Variants in KCNJ5 observed in about 807,000 individuals in gnomAD.
KCNJ5 encodes the protein G protein-activated inward rectifier potassium channel 4.
Under a neutral mutation model 20.2 loss-of-function variants are expected in KCNJ5, and 12 were observed. The observed-to-expected ratio is 0.59, with a 90% CI of 0.38 to 0.96. The LOEUF is 0.96. Among genes scored for constraint, KCNJ5 ranks in the 40% least tolerant of loss-of-function variants. The pLI, the probability that KCNJ5 is intolerant of heterozygous loss-of-function variation, is 0.00. For synonymous variants in KCNJ5, 210 were observed against 213.9 expected, an observed-to-expected ratio of 0.98 and a Z score of 0.16; for missense variants, 449 against 557.6, an observed-to-expected ratio of 0.81 and a Z score of 1.96.
rs1565555469 is a variant in KCNJ5, at chr11:128,917,627, GTTTT to G, written c.*897_*900del. 2.4e-5 allele frequency: 2 copies of G among 83,608 alleles called. No homozygotes were observed. The highest frequency in any genetic ancestry group is 2.3e-4 in the Admixed American group (2 of 8,618). 5.2% of individuals were successfully genotyped at this position (83,608 alleles called of 1,614,324 possible). A position where few individuals can be genotyped will look rare whatever the true frequency, so the allele number is the denominator to read the frequency against. On this transcript the variant is annotated 3_prime_UTR_variant, in exon 3 of 3. Coordinates refer to ENST00000529694, the MANE Select transcript of KCNJ5 (RefSeq NM_000890.5). ...GTTTTGTTTTGTTTTGTTTTGTTTT[GTTTT>G]GTTTTTTTCACAATCTCAGCCAGCC...
intron 2 of KCNJ5, among the ~76,000 whole-genome samples, chr11:128,916,111 T>C (rs1944576124): frequency 1.3e-5 from 1 of 75,592 alleles, no homozygotes; most frequent in Non-Finnish European, 2.7e-5. Context: ...ATTGGATGGA[T>C]GGATGGATGG....
rs1160699929 is a variant in KCNJ5 at position 128,891,441 on chromosome 11, C to CACACAGAGAGAGAGAGAGAGAG, written c.-290_-289insCACAGAGAGAGAGAGAGAGAGA. 1 of 54,922 alleles carries CACACAGAGAGAGAGAGAGAGAG rather than the reference C, an allele frequency of 1.8e-5. No homozygotes were observed. Among genetic ancestry groups the CACACAGAGAGAGAGAGAGAGAG allele is most frequent in the African/African-American group, 8.0e-5 (1 of 12,442 alleles). The allele number at this position is 54,922 out of a possible 1,614,324, so 3.4% of individuals were successfully genotyped here. On this transcript the variant is annotated 5_prime_UTR_variant, in exon 1 of 3. Coordinates refer to ENST00000529694, the MANE Select transcript of KCNJ5 (RefSeq NM_000890.5). ...ACACACACACACACACACACACACA[C>CACACAGAGAGAGAGAGAGAGAG]AGAGAGAGAGAGAGAGAGAGAGAGA... is the stretch of plus-strand genomic sequence containing the variant.
intron 1 of KCNJ5, chr11:128,904,299 G>A: frequency 7.3e-7 from 1 of 1,370,400 alleles, no homozygotes; most frequent in Middle Eastern, 1.9e-4. Context: ...CCCCAGACAA[G>A]CCAAATTCAG....
rs773791529 is a variant in KCNJ5 at position 128,916,584 on chromosome 11, G to T, written c.1113G>T (p.Lys371Asn). 2 of 1,614,098 alleles carry T rather than the reference G, an allele frequency of 1.2e-6. No homozygotes were observed. Among genetic ancestry groups the T allele is most frequent in the Non-Finnish European group, 1.7e-6 (2 of 1,179,998 alleles). Residue 371 changes from lysine (K) to asparagine (N), a missense_variant, in exon 3 of 3, where the codon AAG becomes AAT. Transcript: ENST00000529694. ...GTGCCAAGGAGCTGGCAGAAATGAA[G>T]AGGGAAGGCCGGCTCCTCCAGTACC... ...SCCAKELAEM[K>N]REGRLLQYLP...
chr11:128,917,027 T>G lies in KCNJ5; in HGVS notation c.*296T>G. On this transcript the variant is annotated 3_prime_UTR_variant, in exon 3 of 3. Transcript: ENST00000529694. ...ATGTTACCGGATGGCATCTGTTCTC[T>G]CCATGCCCTGGGTCACTTCCTTTTT... 1 of 325,916 alleles carries G rather than the reference T, an allele frequency of 3.1e-6. No individual in the cohort carries two copies. Among genetic ancestry groups the G allele is most frequent in the Non-Finnish European group, 5.6e-6 (1 of 177,150 alleles). The allele number at this position is 325,916 out of a possible 1,614,324, so 20.2% of individuals were successfully genotyped here.
At chr11:128,895,824 A>T (rs1783340931) in intron 1 of KCNJ5, among the ~76,000 whole-genome samples, 1 of 152,208 alleles carries the variant, frequency 6.6e-6, no homozygotes, top group Non-Finnish European at 1.5e-5. Flanking sequence ...GCTCTTATGG[A>T]GCAGGGAAGG....
chr11:128,897,093 CTTTT>C (rs35966521), intron 1 of KCNJ5, among the ~76,000 whole-genome samples: 73 of 100,078 alleles, frequency 7.3e-4, no homozygotes, highest in Middle Eastern at 6.7e-3. Flanking sequence ...CCGTTTACCA[CTTTT>C]TTTTTTTTTT....
chr11:128,914,322 C>G (rs1271271000), intron 2 of KCNJ5, among the ~76,000 whole-genome samples: 1 of 152,212 alleles, frequency 6.6e-6, no homozygotes, highest in Non-Finnish European at 1.5e-5. Flanking sequence ...TGGAGGGAGC[C>G]AGTGCTATCT....
Position 128,913,582 on chromosome 11 carries a change from C to CTTT in KCNJ5, c.937+1380_937+1382dup, listed in dbSNP as rs34638286. ...CGTGCCTTCCTTTCTCTCTCTCTCT[C>CTTT]TTTTTTTTTTCAACCAGGTACAATG... is the stretch of plus-strand genomic sequence containing the variant. On this transcript the variant is annotated intron_variant, in intron 2 of 2. Coordinates refer to ENST00000529694, the MANE Select transcript of KCNJ5 (RefSeq NM_000890.5). Among the ~76,000 whole-genome samples the CTTT allele has an allele frequency of 8.1e-3, 1,190 of 147,246 alleles. 10 individuals carry two copies. The highest frequency in any genetic ancestry group is 0.011 in the Non-Finnish European group (764 of 67,020).
Position 128,912,267 on chromosome 11 carries a change from G to T in KCNJ5, c.937+57G>T. On this transcript the variant is annotated intron_variant, in intron 2 of 2. Coordinates refer to ENST00000529694, the MANE Select transcript of KCNJ5 (RefSeq NM_000890.5). ...GGCCCTACCTACACTTCAGACTTAGGCAACTGTGACTCCAGAAGATGCAGG... is the reference window on the plus strand; with the variant it reads ...GGCCCTACCTACACTTCAGACTTAGTCAACTGTGACTCCAGAAGATGCAGG... The T allele has an allele frequency of 2.9e-6, 4 of 1,366,450 alleles. No homozygotes were observed. In the South Asian group the frequency reaches 4.6e-5, roughly 16 times the overall value. 84.6% of individuals were successfully genotyped at this position (1,366,450 alleles called of 1,614,324 possible).
At chr11:128,903,563 T>G in intron 1 of KCNJ5, 1 of 1,595,814 alleles carries the variant, frequency 6.3e-7, no homozygotes, top group Non-Finnish European at 8.6e-7. Context: ...AATCAGTGGC[T>G]GCTAGTTAGT....
At chr11:128,912,786 C>T (rs914066258) in intron 2 of KCNJ5, among the ~76,000 whole-genome samples, 3 of 152,164 alleles carry the variant, frequency 2.0e-5, no homozygotes, top group Non-Finnish European at 2.9e-5. Context: ...TGGGATTACA[C>T]GCGTGAGCCA....
intron 2 of KCNJ5, among the ~76,000 whole-genome samples, chr11:128,915,814 GAT>G: frequency 6.6e-6 from 1 of 150,478 alleles, no homozygotes; most frequent in Non-Finnish European, 1.5e-5. Flanking sequence ...TGGATGGATG[GAT>G]GGATGGATGG....
intron 2 of KCNJ5, among the ~76,000 whole-genome samples, chr11:128,913,507 C>T (rs1371367992): frequency 6.6e-6 from 1 of 152,054 alleles, no homozygotes; most frequent in Non-Finnish European, 1.5e-5. Context: ...ACCCTAGTCC[C>T]CACCCCACTC....
At position 128,911,463 on chromosome 11, in the gene KCNJ5, C is replaced by T. The variant is rs764402583; in HGVS notation, c.190C>T (p.His64Tyr). 2 of 1,614,242 alleles carry T rather than the reference C, an allele frequency of 1.2e-6. No homozygotes were observed. The highest frequency in any genetic ancestry group is 1.1e-5 in the South Asian group (1 of 91,078). The change falls in exon 2 of 3, where the codon CAC (histidine) becomes TAC (tyrosine). Residue 64 changes from histidine to tyrosine, a missense_variant. His to Tyr is a moderately conservative substitution (Grantham distance 83). Coordinates refer to ENST00000529694, the MANE Select transcript of KCNJ5 (RefSeq NM_000890.5). The surrounding 1 kb of genome is among the most constrained non-coding windows in gnomAD (Gnocchi z 6.3). ...GAAGAGTGGCAAGTGCAACGTGCAC[C>T]ACGGCAACGTCCAGGAGACCTACCG... ...MEKSGKCNVHHGNVQETYRYL... is the reference protein window; with the variant it reads ...MEKSGKCNVHYGNVQETYRYL...
At chr11:128,900,610 A>C (rs1019851439) in intron 1 of KCNJ5, 1 of 152,256 alleles carries the variant, frequency 6.6e-6, no homozygotes, top group African/African-American at 2.4e-5. Flanking sequence ...TTGTGCAGCC[A>C]GAAGCCAGGG....
intron 1 of KCNJ5, among the ~76,000 whole-genome samples, chr11:128,897,141 A>G (rs1399770964): frequency 7.8e-6 from 1 of 128,724 alleles, no homozygotes; most frequent in African/African-American, 3.0e-5. Context: ...TCTGTCACTT[A>G]GGCTGGAGTG....
intron 1 of KCNJ5, among the ~76,000 whole-genome samples, chr11:128,893,715 C>G (rs910645364): frequency 1.3e-5 from 2 of 152,042 alleles, no homozygotes; most frequent in African/African-American, 4.8e-5. Context: ...GGGGTCAAAG[C>G]GAACCTGGGC....
At chr11:128,892,200 G>A (rs993792738) in intron 1 of KCNJ5, among the ~76,000 whole-genome samples, 1 of 152,184 alleles carries the variant, frequency 6.6e-6, no homozygotes, top group Non-Finnish European at 1.5e-5. Flanking sequence ...TGTGATTTCT[G>A]CCCCCCTCGC....
Sources: gnomAD v4.1 joint callset for allele counts (sites outside exome capture counted in the v4.1 genomes callset) on GRCh38, gnomAD v4.1.1 for gene constraint, Gnocchi (gnomAD v3.1) non-coding constraint, MANE v1.5 for transcripts, NCBI Gene and HGNC (gene_info 2026-07-23, HGNC 2026-07-21) for gene names.